The following NECTIN1 variants were observed in gnomAD, a reference collection of about 807,000 sequenced individuals.
NECTIN1 encodes nectin cell adhesion molecule 1.
Under a neutral mutation model 48.0 loss-of-function variants are expected in NECTIN1, and 23 were observed. The observed-to-expected ratio is 0.48, with a 90% CI of 0.34 to 0.68. The LOEUF is 0.68. Among genes scored for constraint, NECTIN1 ranks in the 30% least tolerant of loss-of-function variants. NECTIN1 has a pLI of 0.01. For missense variants in NECTIN1, 591 were observed against 709.9 expected, an observed-to-expected ratio of 0.83 and a Z score of 1.90; for synonymous variants, 270 against 288.9, an observed-to-expected ratio of 0.93 and a Z score of 0.66.
At chr11:119,675,105 G>T in intron 5 of NECTIN1, 54 bp downstream of exon 5, 1 of 1,602,838 alleles carries the variant, frequency 6.2e-7, no homozygotes, top group Non-Finnish European at 8.5e-7. Context: ...GAGGGATGCA[G>T]GTGGCGAAGG....
At chr11:119,696,906 C>T (rs1031407573) in intron 1 of NECTIN1, among the ~76,000 whole-genome samples, 3 of 152,180 alleles carry the variant, frequency 2.0e-5, no homozygotes, top group African/African-American at 7.2e-5. Flanking sequence ...AGTGAGATAG[C>T]CGCGCGATGT....
chr11:119,676,446 C>T (rs1293237586), intron 4 of NECTIN1, among the ~76,000 whole-genome samples: 6 of 152,212 alleles, frequency 3.9e-5, no homozygotes, highest in Non-Finnish European at 8.8e-5. Context: ...TGTCTCCTGG[C>T]CACCCATATC....
chr11:119,692,230 C>T (rs1469883276), intron 1 of NECTIN1, among the ~76,000 whole-genome samples: 3 of 152,256 alleles, frequency 2.0e-5, no homozygotes, highest in Non-Finnish European at 2.9e-5. Flanking sequence ...CGTGCCAGGG[C>T]CTGCTCCGCA....
rs1243742580 is a variant in NECTIN1 at position 119,677,256 on chromosome 11, G to A, written c.734-37C>T. On this transcript the variant is annotated intron_variant, in intron 3 of 5. Transcript: ENST00000264025. This position sits in a 1 kb window ranked among gnomAD's most constrained non-coding sequence, Gnocchi z 5.4. ...GGGATGTTTGAAGAGGGTGAGGTCA[G>A]GAGAGCGGGACTTAGAACAAGGGAA... is the stretch of plus-strand genomic sequence containing the variant. 1.3e-6 allele frequency: 2 copies of A among 1,557,710 alleles called. No homozygotes were observed. The highest frequency in any genetic ancestry group is 1.8e-6 in the Non-Finnish European group (2 of 1,129,104).
intron 5 of NECTIN1, among the ~76,000 whole-genome samples, chr11:119,669,919 T>C (rs1391128236): frequency 2.6e-5 from 4 of 152,110 alleles, no homozygotes; most frequent in African/African-American, 4.8e-5. Flanking sequence ...GGGATCCCCT[T>C]ACTCTCTTTT....
intron 1 of NECTIN1, among the ~76,000 whole-genome samples, chr11:119,696,815 C>G (rs185998065): frequency 6.6e-6 from 1 of 152,184 alleles, no homozygotes; most frequent in East Asian, 1.9e-4. Context: ...GGACTGCAGG[C>G]GGCATAGGGG....
rs757938049 is a variant in NECTIN1, at chr11:119,666,823, C to T, written c.1004-1526G>A. 2.2e-4 allele frequency among the ~76,000 whole-genome samples: 34 copies of T among 152,290 alleles called. No homozygotes were observed. In the Middle Eastern group the frequency reaches 0.014, roughly 61 times the overall value. On this transcript the variant is annotated intron_variant, in intron 5 of 5. Coordinates refer to ENST00000264025, the MANE Select transcript of NECTIN1 (RefSeq NM_002855.5). ...GGCGTGTGTGGGGTGCTATCCCACT[C>T]GGCAGGCTGCAGCAGGGTGGAGATT...
intron 5 of NECTIN1, among the ~76,000 whole-genome samples, chr11:119,648,892 C>T (rs761604369): frequency 6.6e-5 from 10 of 152,110 alleles, no homozygotes; most frequent in African/African-American, 9.7e-5. Flanking sequence ...GGCAGGGCTC[C>T]GACACTCCTG....
At chr11:119,690,070 A>G (rs11217400) in intron 1 of NECTIN1, among the ~76,000 whole-genome samples, 1,692 of 152,270 alleles carry the variant, frequency 0.011, 22 homozygotes, top group East Asian at 0.048. Context: ...CCCTGTATGG[A>G]TGATACAAGA....
At chr11:119,698,631 C>G (rs976208376) in intron 1 of NECTIN1, among the ~76,000 whole-genome samples, 1 of 152,208 alleles carries the variant, frequency 6.6e-6, no homozygotes, top group African/African-American at 2.4e-5. Context: ...GGCTCTTCCA[C>G]TCATTGGCAA....
At chr11:119,679,712 A>G (rs756777250) in intron 1 of NECTIN1, among the ~76,000 whole-genome samples, 34 of 152,104 alleles carry the variant, frequency 2.2e-4, no homozygotes, top group Non-Finnish European at 4.7e-4. Context: ...TAGTGTGAGC[A>G]TTTGGGTCAT....
intron 1 of NECTIN1, among the ~76,000 whole-genome samples, chr11:119,712,678 G>T (rs1182395879): frequency 2.6e-5 from 4 of 152,054 alleles, no homozygotes; most frequent in African/African-American, 9.7e-5. Flanking sequence ...TCTGCCCTTG[G>T]CGCAATCTTG....
At chr11:119,638,518 G>T (rs371243353) in intron 7 of NECTIN1, among the ~76,000 whole-genome samples, 1 of 152,142 alleles carries the variant, frequency 6.6e-6, no homozygotes, top group South Asian at 2.1e-4. Flanking sequence ...AGAGGAAGAG[G>T]TCCCCTGGGG....
chr11:119,728,210 A>G (rs943611722), intron 1 of NECTIN1, among the ~76,000 whole-genome samples: 3 of 152,208 alleles, frequency 2.0e-5, no homozygotes, highest in Admixed American at 2.0e-4. Context: ...GCTATTACAT[A>G]TTATTATTTT....
Position 119,662,921 on chromosome 11 carries a change from C to T in NECTIN1, c.*1826G>A. On this transcript the variant is annotated 3_prime_UTR_variant, in exon 6 of 6. Coordinates refer to ENST00000264025, the MANE Select transcript of NECTIN1 (RefSeq NM_002855.5). The surrounding 1 kb of genome is among the most constrained non-coding windows in gnomAD (Gnocchi z 5.3). ...GGCTACTGGGCAGCCTGGGCTGGGG[C>T]CAGGGCAGTGAGGGCCAGACAACGA... The T allele has an allele frequency of 1.0e-6, 1 of 985,862 alleles. No homozygotes were observed. The highest frequency in any genetic ancestry group is 1.2e-6 in the Non-Finnish European group (1 of 830,122). The allele number at this position is 985,862 out of a possible 1,614,324, so 61.1% of individuals were successfully genotyped here. A position where few individuals can be genotyped will look rare whatever the true frequency, so the allele number is the denominator to read the frequency against.
chr11:119,709,938 G>A lies in NECTIN1; in HGVS notation c.79+18537C>T, dbSNP rs1483464890. On this transcript the variant is annotated intron_variant, in intron 1 of 5. Transcript: ENST00000264025. The surrounding 1 kb of genome is among the most constrained non-coding windows in gnomAD (Gnocchi z 4.1). ...CAATTAAACAGGGCAGAGATGGATA[G>A]GGAAGGGAGTGTGATGTGACGAGGC... 1 of 152,344 alleles carries A rather than the reference G, an allele frequency of 6.6e-6. No individual in the cohort carries two copies. The highest frequency in any genetic ancestry group is 1.5e-5 in the Non-Finnish European group (1 of 68,136). The allele number at this position is 152,344 out of a possible 1,614,324, so 9.4% of individuals were successfully genotyped here. A position where few individuals can be genotyped will look rare whatever the true frequency, so the allele number is the denominator to read the frequency against.
intron 5 of NECTIN1, among the ~76,000 whole-genome samples, chr11:119,650,160 A>C (rs2135531502): frequency 6.6e-6 from 1 of 152,302 alleles, no homozygotes; most frequent in Non-Finnish European, 1.5e-5. Flanking sequence ...TTCACAAGAC[A>C]ATGTCATCAG....
intron 1 of NECTIN1, chr11:119,713,653 C>T: frequency 3.0e-6 from 1 of 331,418 alleles, no homozygotes; most frequent in Non-Finnish European, 6.0e-6. Context: ...TTGGGGGTGA[C>T]AGGAAAGAAT....
At position 119,665,481 on chromosome 11, in the gene NECTIN1, C is replaced by T. The variant is rs1864752417; in HGVS notation, c.1004-184G>A. On this transcript the variant is annotated intron_variant, in intron 5 of 5. Coordinates refer to ENST00000264025, the MANE Select transcript of NECTIN1 (RefSeq NM_002855.5). This position sits in a 1 kb window ranked among gnomAD's most constrained non-coding sequence, Gnocchi z 5.1. ...ATCCTGGAGCCCTAACATGCCGCAGCGTTGGTAGCTGGAGTGAGAGACAGG... is the reference window on the plus strand; with the variant it reads ...ATCCTGGAGCCCTAACATGCCGCAGTGTTGGTAGCTGGAGTGAGAGACAGG... Among the ~76,000 whole-genome samples, 2 of 152,112 alleles carry T rather than the reference C, an allele frequency of 1.3e-5. No individual in the cohort carries two copies. The highest frequency in any genetic ancestry group is 4.8e-5 in the African/African-American group (2 of 41,412).
Sources: gnomAD v4.1 joint callset for allele counts (sites outside exome capture counted in the v4.1 genomes callset) on GRCh38, gnomAD v4.1.1 for gene constraint, Gnocchi (gnomAD v3.1) non-coding constraint, MANE v1.5 for transcripts, NCBI Gene and HGNC (gene_info 2026-07-23, HGNC 2026-07-21) for gene names.